The following IPCEF1 variants were observed in gnomAD, a reference collection of about 807,000 sequenced individuals.
IPCEF1 encodes interaction protein for cytohesin exchange factors 1.
A neutral mutation model predicts 50.9 loss-of-function variants in IPCEF1; 31 were observed. The ratio of observed to expected loss-of-function variants is 0.61; its 90% CI spans 0.46 to 0.82. IPCEF1 has a LOEUF of 0.82. Ranked by LOEUF, IPCEF1 falls within the 40% of genes least tolerant of loss-of-function variation. IPCEF1 has a pLI of 0.00. For missense variants in IPCEF1, 458 were observed against 514.0 expected, an observed-to-expected ratio of 0.89 and a Z score of 1.05; for synonymous variants, 181 against 192.0, an observed-to-expected ratio of 0.94 and a Z score of 0.47.
intron 1 of IPCEF1, among the ~76,000 whole-genome samples, chr6:154,319,036 G>A (rs1168520599): frequency 6.6e-6 from 1 of 152,120 alleles, no homozygotes; most frequent in Non-Finnish European, 1.5e-5. Flanking sequence ...GCAGCAGGGT[G>A]ATAACTAATA....
At chr6:154,244,763 G>A (rs1780895832) in intron 5 of IPCEF1, among the ~76,000 whole-genome samples, 1 of 152,180 alleles carries the variant, frequency 6.6e-6, no homozygotes, top group African/African-American at 2.4e-5. Context: ...ATGAAGACAG[G>A]GACAGCAGCC....
chr6:154,247,128 C>T, intron 4 of IPCEF1: 1 of 422,490 alleles, frequency 2.4e-6, no homozygotes, highest in East Asian at 3.8e-5. Flanking sequence ...AGTGCAGTAA[C>T]ATAGCTCCTC....
At chr6:154,215,874 A>G (rs187937464) in intron 7 of IPCEF1, among the ~76,000 whole-genome samples, 1 of 152,222 alleles carries the variant, frequency 6.6e-6, no homozygotes. Flanking sequence ...TGCGAAAAAA[A>G]TTTCTCAGCC....
At chr6:154,315,275 A>T (rs942655992) in intron 1 of IPCEF1, among the ~76,000 whole-genome samples, 3 of 152,216 alleles carry the variant, frequency 2.0e-5, no homozygotes, top group African/African-American at 7.2e-5. Context: ...TCACTCATGT[A>T]CCTAAGCACT....
intron 6 of IPCEF1, among the ~76,000 whole-genome samples, chr6:154,221,715 T>C (rs181901079): frequency 2.7e-4 from 41 of 151,970 alleles, no homozygotes; most frequent in Admixed American, 2.2e-3. Flanking sequence ...CTACTAAATA[T>C]ACAAAAAAAT....
intron 7 of IPCEF1, among the ~76,000 whole-genome samples, chr6:154,214,858 A>T (rs1778257575): frequency 6.6e-6 from 1 of 152,236 alleles, no homozygotes; most frequent in Admixed American, 6.5e-5. Flanking sequence ...TTTTACTGGC[A>T]ATGAATTCCA....
chr6:154,199,279 C>T (rs956161942), intron 10 of IPCEF1, among the ~76,000 whole-genome samples: 3 of 152,236 alleles, frequency 2.0e-5, no homozygotes, highest in African/African-American at 7.2e-5. Context: ...GATCTAAGCT[C>T]ATTTTGAACT....
At chr6:154,283,516 T>A (rs1487145546) in intron 2 of IPCEF1, among the ~76,000 whole-genome samples, 1 of 151,902 alleles carries the variant, frequency 6.6e-6, no homozygotes, top group Admixed American at 6.6e-5. Context: ...GAGAATGGTG[T>A]GAACCTGGGA....
At chr6:154,198,642 A>ACACACACACG (rs1245491963) in intron 10 of IPCEF1, among the ~76,000 whole-genome samples, 1 of 150,786 alleles carries the variant, frequency 6.6e-6, no homozygotes, top group Non-Finnish European at 1.5e-5. Context: ...ACACACACAC[A>ACACACACACG]CACACACACA....
intron 10 of IPCEF1, among the ~76,000 whole-genome samples, chr6:154,197,642 C>G (rs557923246): frequency 2.0e-5 from 3 of 152,186 alleles, no homozygotes; most frequent in African/African-American, 7.2e-5. Context: ...GGTACCCAGC[C>G]AGGCTCTACA....
intron 5 of IPCEF1, among the ~76,000 whole-genome samples, chr6:154,243,737 T>C (rs1484633720): frequency 6.6e-6 from 1 of 152,176 alleles, no homozygotes; most frequent in Non-Finnish European, 1.5e-5. Context: ...ATGCTGTAAG[T>C]CATGGGTTTA....
chr6:154,267,782 G>A (rs1458681717), intron 2 of IPCEF1, among the ~76,000 whole-genome samples: 1 of 152,202 alleles, frequency 6.6e-6, no homozygotes, highest in Admixed American at 6.5e-5. Flanking sequence ...TTGGCAGAGA[G>A]GAGGCCCTGG....
chr6:154,167,915 G>C lies in IPCEF1; in HGVS notation c.1104+5C>G, dbSNP rs780875807. On this transcript the variant is annotated splice_donor_5th_base_variant and intron_variant, in intron 11 of 11. Coordinates refer to ENST00000367220, the MANE Select transcript of IPCEF1 (RefSeq NM_001130700.2). Reference sequence around the variant, plus strand: ...GAGTTCATCCACAATTTGAAATTTTGTTACCTTTAATGTGCTATTCAATGT... The same window carrying C: ...GAGTTCATCCACAATTTGAAATTTTCTTACCTTTAATGTGCTATTCAATGT... 1 of 1,567,184 alleles carries C rather than the reference G, an allele frequency of 6.4e-7. No homozygotes were observed. The highest frequency in any genetic ancestry group is 1.7e-5 in the Admixed American group (1 of 58,202).
At chr6:154,318,266 C>T (rs182921064) in intron 1 of IPCEF1, among the ~76,000 whole-genome samples, 93 of 152,248 alleles carry the variant, frequency 6.1e-4, no homozygotes, top group African/African-American at 2.2e-3. Context: ...GTTCCATGAA[C>T]ATACACATTT....
At chr6:154,224,124 C>T (rs562632212) in intron 5 of IPCEF1, among the ~76,000 whole-genome samples, 1 of 152,308 alleles carries the variant, frequency 6.6e-6, no homozygotes, top group East Asian at 1.9e-4. Flanking sequence ...GAAATAGAAT[C>T]TACAAGATTA....
chr6:154,347,896 C>T (rs17085334), intron 1 of IPCEF1, among the ~76,000 whole-genome samples: 7,235 of 152,234 alleles, frequency 0.048, 352 homozygotes, highest in African/African-American at 0.13. Flanking sequence ...TGCTAACTTG[C>T]TCCCAATGCA....
At chr6:154,173,160 G>A (rs547977666) in intron 10 of IPCEF1, among the ~76,000 whole-genome samples, 24 of 152,280 alleles carry the variant, frequency 1.6e-4, no homozygotes, top group East Asian at 7.7e-4. Flanking sequence ...AACCCCATCC[G>A]TAGGTCACCA....
chr6:154,350,810 T>G (rs1216376221), intron 1 of IPCEF1, among the ~76,000 whole-genome samples: 1 of 152,178 alleles, frequency 6.6e-6, no homozygotes, highest in Non-Finnish European at 1.5e-5. Flanking sequence ...AGCTTCAAAC[T>G]CCTATGCTCA....
chr6:154,246,818 A>C (rs201674255), intron 4 of IPCEF1, 58 bp from the exon 5 acceptor site: 16 of 1,530,994 alleles, frequency 1.0e-5, no homozygotes, highest in Non-Finnish European at 1.4e-5. Flanking sequence ...TAGGTAAAGT[A>C]TTATCCTGAT....
Sources: gnomAD v4.1 joint callset for allele counts (sites outside exome capture counted in the v4.1 genomes callset) on GRCh38, gnomAD v4.1.1 for gene constraint, MANE v1.5 for transcripts, NCBI Gene and HGNC (gene_info 2026-07-23, HGNC 2026-07-21) for gene names.